CLN3: variants seen among roughly 807,000 people sequenced by gnomAD.
The protein encoded by CLN3 is CLN3 lysosomal/endosomal transmembrane protein, battenin, also known as battenin.
A neutral mutation model predicts 60.7 loss-of-function variants in CLN3; 49 were observed. The observed-to-expected ratio is 0.81, with a 90% CI of 0.64 to 1.02. The LOEUF is 1.02. CLN3 is among the 50% of genes least tolerant of loss of function. The pLI is 0.00. For missense variants in CLN3, 516 were observed against 557.4 expected (o/e 0.93, Z 0.75); for synonymous variants, 256 against 245.8 (o/e 1.04, Z -0.39).
downstream of CLN3, among the ~76,000 whole-genome samples, chr16:28,473,896 G>C (rs186812563): frequency 2.0e-5 from 3 of 151,916 alleles, no homozygotes; most frequent in Admixed American, 2.0e-4. Flanking sequence ...CAAAACCACA[G>C]TGAGATACCA....
At chr16:28,491,888 G>T in intron 1 of CLN3, 53 bp from the exon 2 acceptor site, 1 of 1,233,260 alleles carries the variant, frequency 8.1e-7, no homozygotes, top group Non-Finnish European at 1.1e-6. Flanking sequence ...GCTCCGGCTT[G>T]TCTAGGGCAC....
At chr16:28,471,870 G>A (rs1203947041), downstream of CLN3, among the ~76,000 whole-genome samples, 1 of 151,966 alleles carries the variant, frequency 6.6e-6, no homozygotes, top group Non-Finnish European at 1.5e-5. Context: ...GACCTCTCAG[G>A]GATGTCCAAG....
At chr16:28,470,212 C>T (rs1202549146), downstream of CLN3, among the ~76,000 whole-genome samples, 284 of 114,306 alleles carry the variant, frequency 2.5e-3, no homozygotes, top group South Asian at 7.6e-3. Flanking sequence ...GATGGGGTTT[C>T]GCCATGATGC....
At chr16:28,486,323 C>G in intron 9 of CLN3, 24 bp downstream of exon 9, 1 of 1,611,370 alleles carries the variant, frequency 6.2e-7, no homozygotes. Context: ...GGACCCCTCT[C>G]CCTCCCGGCT....
At chr16:28,471,861 A>G (rs1596615667), downstream of CLN3, among the ~76,000 whole-genome samples, 1 of 151,530 alleles carries the variant, frequency 6.6e-6, no homozygotes, top group African/African-American at 2.4e-5. Flanking sequence ...TTCATGATTG[A>G]CCTCTCAGGG....
At chr16:28,474,153 A>T (rs1432225887), downstream of CLN3, 1 of 152,302 alleles carries the variant, frequency 6.6e-6, no homozygotes, top group Non-Finnish European at 1.5e-5. Context: ...CTGTAATCCC[A>T]GCTACTTGGG....
At chr16:28,478,620 A>AAAAAG (rs2141696011) in intron 14 of CLN3, among the ~76,000 whole-genome samples, 1 of 73,270 alleles carries the variant, frequency 1.4e-5, no homozygotes, top group African/African-American at 3.3e-5. Context: ...TGTCTCATAA[A>AAAAAG]AAAAAAAAAA....
At chr16:28,491,883 G>T in intron 1 of CLN3, 48 bp from the exon 2 acceptor site, 1 of 1,282,442 alleles carries the variant, frequency 7.8e-7, no homozygotes, top group Non-Finnish European at 1.1e-6. Context: ...TCCCAGCTCC[G>T]GCTTGTCTAG....
chr16:28,486,132 G>C (rs1407953220), intron 9 of CLN3, among the ~76,000 whole-genome samples: 1 of 151,962 alleles, frequency 6.6e-6, no homozygotes, highest in Non-Finnish European at 1.5e-5. Context: ...TGAGTAGTTG[G>C]GACTACAGGC....
intron 14 of CLN3, among the ~76,000 whole-genome samples, chr16:28,480,985 G>T (rs117481765): frequency 0.048 from 7,310 of 152,192 alleles, 245 homozygotes; most frequent in South Asian, 0.16. Flanking sequence ...TAGAATAAAA[G>T]AACTGTACAT....
At position 28,484,019 on chromosome 16, in the gene CLN3, C is replaced by T. The variant is rs751443804; in HGVS notation, c.777G>A (p.Pro259=). ...ARQPLIRTEA[P]ESKPGSSSSL... ...TGTGTCTCCTACCTGGCTTCGACTC[C>T]GGGGCCTCGGTTCTTATGAGGGGCT... Residue 259 remains proline (P), a synonymous_variant, in exon 10 of 16, where the codon CCG becomes CCA. Transcript: ENST00000636147. The T allele has an allele frequency of 1.5e-5, 24 of 1,609,000 alleles. No individual in the cohort carries two copies. In the East Asian group the frequency reaches 3.1e-4, roughly 21 times the overall value.
intron 5 of CLN3, chr16:28,488,300 G>A (rs559861834): frequency 6.0e-6 from 1 of 167,228 alleles, no homozygotes; most frequent in Non-Finnish European, 1.3e-5. Flanking sequence ...CTCAGCCTCA[G>A]AAATTATATT....
chr16:28,472,749 G>A (rs547539173), downstream of CLN3, among the ~76,000 whole-genome samples: 8 of 149,354 alleles, frequency 5.4e-5, no homozygotes, highest in South Asian at 2.1e-4. Flanking sequence ...GGCTGAGGCA[G>A]GAGAATCGCT....
chr16:28,483,091 C>T (rs558651825), intron 10 of CLN3, among the ~76,000 whole-genome samples: 4 of 151,396 alleles, frequency 2.6e-5, no homozygotes, highest in East Asian at 2.0e-4. Context: ...GCAACAAGAG[C>T]GAAACTCCAC....
At chr16:28,487,897 C>A (rs905533895) in intron 5 of CLN3, 156 bp from the exon 6 acceptor site, 3 of 674,534 alleles carry the variant, frequency 4.4e-6, no homozygotes, top group Admixed American at 2.1e-5. Flanking sequence ...CTCTCCCACT[C>A]CTTAGTTGTG....
In CLN3 at chr16:28,482,133, C is replaced by T. The variant is rs771305783; in HGVS notation, c.1028G>A (p.Arg343His). ...SRSSLRCCRI[R>H]FTWALALLQC... ...CAGCAGGGCCAGGGCCCAGGTGAAA[C>T]GGATGCGACAGCAGCGGAGAGAAGA... is the stretch of plus-strand genomic sequence containing the variant. The change falls in exon 14 of 16, where the codon CGT becomes CAT. Residue 343 changes from arginine to histidine, a missense_variant. Transcript: ENST00000636147. The T allele has an allele frequency of 2.0e-5, 33 of 1,613,468 alleles. 1 individual carries two copies. The highest frequency in any genetic ancestry group is 3.3e-4 in the Middle Eastern group (2 of 6,062).
intron 14 of CLN3, among the ~76,000 whole-genome samples, chr16:28,481,618 G>C (rs562273766): frequency 3.9e-5 from 6 of 152,172 alleles, no homozygotes; most frequent in Admixed American, 6.6e-5. Flanking sequence ...TCACACAGTG[G>C]CTGAGTACTG....
downstream of CLN3, chr16:28,475,858 G>C (rs1018379515): frequency 2.0e-5 from 3 of 151,560 alleles, no homozygotes; most frequent in African/African-American, 7.3e-5. Context: ...TAACAATGAA[G>C]TATGAGAAAC....
Position 28,478,617 on chromosome 16 carries a change from T to TAAAAA in CLN3, c.1057-745_1057-741dup, listed in dbSNP as rs766238150. 7.7e-3 allele frequency among the ~76,000 whole-genome samples: 572 copies of TAAAAA among 74,310 alleles called. 34 individuals carry two copies. The highest frequency in any genetic ancestry group is 0.071 in the East Asian group (108 of 1,514). The allele number at this position is 74,310 out of a possible 152,430, so 48.8% of individuals were successfully genotyped here. A position where few individuals can be genotyped will look rare whatever the true frequency, so the allele number is the denominator to read the frequency against. On this transcript the variant is annotated intron_variant, in intron 14 of 15. Coordinates refer to ENST00000636147, the MANE Select transcript of CLN3 (RefSeq NM_001042432.2). ...GGTGACAGAGCAAGATCCTGTCTCATAAAAAAAAAAAAAAAAAAAAAAAAA... is the reference window on the plus strand; with the variant it reads ...GGTGACAGAGCAAGATCCTGTCTCATAAAAAAAAAAAAAAAAAAAAAAAAAAAAAA...
Sources: allele counts gnomAD v4.1 joint callset (sites outside exome capture counted in the v4.1 genomes callset), GRCh38; gene constraint gnomAD v4.1.1; transcripts MANE v1.5; gene names NCBI Gene and HGNC (gene_info 2026-07-23, HGNC 2026-07-21).